WWP2: variants seen among roughly 807,000 people sequenced by gnomAD.
WWP2 encodes the protein NEDD4-like E3 ubiquitin-protein ligase WWP2.
A neutral mutation model predicts 121.0 loss-of-function variants in WWP2; 57 were observed. The ratio of observed to expected loss-of-function variants is 0.47; its 90% CI spans 0.38 to 0.59. The LOEUF (loss-of-function observed/expected upper bound fraction) is 0.59. Among genes scored for constraint, WWP2 ranks in the 20% least tolerant of loss-of-function variants. The pLI, the probability that WWP2 is intolerant of heterozygous loss-of-function variation, is 0.00. For missense variants in WWP2, 962 were observed against 1,158.9 expected (o/e 0.83, Z 2.47); for synonymous variants, 449 against 441.3 (o/e 1.02, Z -0.22).
intron 2 of WWP2, among the ~76,000 whole-genome samples, chr16:69,788,502 A>T (rs943578163): frequency 6.6e-6 from 1 of 152,110 alleles, no homozygotes; most frequent in Non-Finnish European, 1.5e-5. Context: ...TTCAGTGAAT[A>T]CACTGGGCAG....
At chr16:69,839,999 T>C in intron 4 of WWP2, 127 bp from the exon 5 acceptor site, 1 of 1,352,086 alleles carries the variant, frequency 7.4e-7, no homozygotes, top group South Asian at 1.4e-5. Flanking sequence ...CGAGGCAAAA[T>C]GTGAAGATGT....
At chr16:69,880,874 G>A (rs972917749) in intron 7 of WWP2, among the ~76,000 whole-genome samples, 1 of 152,198 alleles carries the variant, frequency 6.6e-6, no homozygotes, top group African/African-American at 2.4e-5. Context: ...GAGAAGTCCT[G>A]AGTGTCCACC....
chr16:69,925,340 C>T lies in WWP2; in HGVS notation c.1180-90C>T, dbSNP rs2058624661. ...AAAGCGCTCAAATGTGGAAGCCAGTCATTGGCATTTTTATTTTTTATTGAT... is the reference window on the plus strand; with the variant it reads ...AAAGCGCTCAAATGTGGAAGCCAGTTATTGGCATTTTTATTTTTTATTGAT... On this transcript the variant is annotated intron_variant, in intron 10 of 23. Coordinates refer to ENST00000359154, the MANE Select transcript of WWP2 (RefSeq NM_001270454.2). The surrounding 1 kb of genome is among the most constrained non-coding windows in gnomAD (Gnocchi z 4.0). The T allele has an allele frequency of 2.7e-5, 42 of 1,571,126 alleles. 1 individual carries two copies. The South Asian group carries it at 4.6e-4, about 17-fold the overall frequency.
At chr16:69,873,138 A>C (rs2057672278) in intron 7 of WWP2, among the ~76,000 whole-genome samples, 1 of 152,228 alleles carries the variant, frequency 6.6e-6, no homozygotes, top group Non-Finnish European at 1.5e-5. Context: ...AAAGGCCAGG[A>C]GACCCAGAGC....
At chr16:69,767,705 G>C (rs1423688569) in intron 1 of WWP2, among the ~76,000 whole-genome samples, 1 of 152,106 alleles carries the variant, frequency 6.6e-6, no homozygotes, top group Non-Finnish European at 1.5e-5. Flanking sequence ...TGCATCTGAG[G>C]GCTGTTTGTG....
At chr16:69,938,897 T>TC in intron 21 of WWP2, 130 bp from the exon 22 acceptor site, 2 of 742,868 alleles carry the variant, frequency 2.7e-6, no homozygotes, top group South Asian at 3.4e-5. Context: ...GAGGCTGTCA[T>TC]CCCCTGGCCA....
At chr16:69,891,935 C>T (rs2058034602) in intron 8 of WWP2, among the ~76,000 whole-genome samples, 1 of 152,226 alleles carries the variant, frequency 6.6e-6, no homozygotes, top group Non-Finnish European at 1.5e-5. Flanking sequence ...GGCCTCCAGA[C>T]TGTGCTGTCT....
chr16:69,880,038 C>T (rs2057799051), intron 7 of WWP2, among the ~76,000 whole-genome samples: 1 of 150,874 alleles, frequency 6.6e-6, no homozygotes, highest in Non-Finnish European at 1.5e-5. Flanking sequence ...GAGATAAATA[C>T]TTTTTTCTGT....
intron 4 of WWP2, chr16:69,827,947 A>G (rs1004387389): frequency 4.4e-6 from 2 of 454,712 alleles, no homozygotes; most frequent in African/African-American, 4.0e-5. Flanking sequence ...ACCAAGACGG[A>G]TGAAATCTTT....
intron 4 of WWP2, among the ~76,000 whole-genome samples, chr16:69,808,463 G>T (rs2056325214): frequency 6.6e-6 from 1 of 151,972 alleles, no homozygotes; most frequent in South Asian, 2.1e-4. Flanking sequence ...GTGCAATGGT[G>T]CAATCTTGGC....
chr16:69,798,605 A>C, intron 2 of WWP2, 77 bp from the exon 3 acceptor site: 1 of 1,484,962 alleles, frequency 6.7e-7, no homozygotes. Flanking sequence ...AACTAAAAAG[A>C]GCCGGAACAT....
intron 4 of WWP2, among the ~76,000 whole-genome samples, chr16:69,819,373 T>G (rs542535572): frequency 6.6e-6 from 1 of 152,304 alleles, no homozygotes; most frequent in East Asian, 1.9e-4. Context: ...TGCTACTCCT[T>G]TGTTACCTCA....
intron 7 of WWP2, among the ~76,000 whole-genome samples, chr16:69,882,703 A>G (rs1365495271): frequency 6.6e-6 from 1 of 152,212 alleles, no homozygotes; most frequent in African/African-American, 2.4e-5. Flanking sequence ...TGCAGCAAGA[A>G]CACAAGGGAC....
intron 9 of WWP2, among the ~76,000 whole-genome samples, chr16:69,914,996 T>C (rs930604806): frequency 4.6e-5 from 7 of 151,984 alleles, no homozygotes; most frequent in African/African-American, 1.7e-4. Context: ...GGCCATGGAA[T>C]CTCCCAGGAG....
intron 4 of WWP2, among the ~76,000 whole-genome samples, chr16:69,834,367 C>T (rs775736915): frequency 5.9e-5 from 9 of 152,144 alleles, no homozygotes; most frequent in Non-Finnish European, 1.2e-4. Flanking sequence ...CTTCCCCCAT[C>T]CTTTAGTCTT....
In WWP2 at chr16:69,834,213, C is replaced by A. The variant is rs77642842; in HGVS notation, c.341-5913C>A. Among the ~76,000 whole-genome samples, 461 of 152,330 alleles carry A rather than the reference C, an allele frequency of 3.0e-3. 2 individuals are homozygous for A. Among genetic ancestry groups the A allele is most frequent in the African/African-American group, 0.01 (436 of 41,582 alleles). On this transcript the variant is annotated intron_variant, in intron 4 of 23. Transcript: ENST00000359154. ...GGCTCTGGCTACCTCCTGCCCTCAT[C>A]TGCTCCTCTCTTCCCTCGCTCCACT...
chr16:69,907,525 C>T (rs1474066108), intron 8 of WWP2, among the ~76,000 whole-genome samples: 2 of 152,086 alleles, frequency 1.3e-5, no homozygotes, highest in Admixed American at 6.6e-5. Flanking sequence ...GCCCACAGCA[C>T]CATTAATATC....
intron 8 of WWP2, among the ~76,000 whole-genome samples, chr16:69,897,322 T>C (rs1486531464): frequency 6.6e-6 from 1 of 152,070 alleles, no homozygotes; most frequent in Non-Finnish European, 1.5e-5. Context: ...AGGCTGGTCT[T>C]GAACTCCTGG....
At chr16:69,917,628 C>T (rs1444616971) in intron 9 of WWP2, 81 bp from the exon 10 acceptor site, 2 of 1,528,130 alleles carry the variant, frequency 1.3e-6, no homozygotes, top group East Asian at 4.6e-5. Flanking sequence ...CCCGGCTGTG[C>T]TAGGCATCCT....
Sources: allele counts gnomAD v4.1 joint callset (sites outside exome capture counted in the v4.1 genomes callset), GRCh38; gene constraint gnomAD v4.1.1; non-coding constraint Gnocchi (gnomAD v3.1); transcripts MANE v1.5; gene names NCBI Gene and HGNC (gene_info 2026-07-23, HGNC 2026-07-21).